The following ZNF589 variants were observed in gnomAD, a reference collection of about 807,000 sequenced individuals.
ZNF589 encodes the protein zinc finger protein 589.
ZNF589 carries 17 observed loss-of-function variants against 13.6 expected under a neutral mutation model. That is an observed-to-expected ratio of 1.25 (90% CI 0.86 to 1.88). The LOEUF (loss-of-function observed/expected upper bound fraction) is 1.88. Among genes scored for constraint, ZNF589 ranks in the 40% most tolerant of loss-of-function variants. ZNF589 has a pLI of 0.00. For missense variants in ZNF589, 407 were observed against 434.0 expected, an observed-to-expected ratio of 0.94 and a Z score of 0.55; for synonymous variants, 148 against 161.6, an observed-to-expected ratio of 0.92 and a Z score of 0.64.
At chr3:48,255,701 C>T (rs1266497672) in intron 2 of ZNF589, among the ~76,000 whole-genome samples, 1 of 151,468 alleles carries the variant, frequency 6.6e-6, no homozygotes, top group Non-Finnish European at 1.5e-5. Context: ...GCCACGTTGG[C>T]TGGTCCCGAA....
intron 2 of ZNF589, among the ~76,000 whole-genome samples, chr3:48,253,219 TG>T (rs1463613504): frequency 6.6e-6 from 1 of 152,022 alleles, no homozygotes; most frequent in African/African-American, 2.4e-5. Flanking sequence ...TTTTAGTAGA[TG>T]GGCTTTTGCC....
At chr3:48,265,774 A>G (rs1336792787) in intron 3 of ZNF589, among the ~76,000 whole-genome samples, 3 of 152,100 alleles carry the variant, frequency 2.0e-5, no homozygotes, top group Non-Finnish European at 4.4e-5. Flanking sequence ...AATAAACTCA[A>G]AATTTTTATT....
At chr3:48,262,824 T>G (rs2033981260) in intron 3 of ZNF589, among the ~76,000 whole-genome samples, 1 of 152,204 alleles carries the variant, frequency 6.6e-6, no homozygotes, top group Admixed American at 6.5e-5. Flanking sequence ...AGAAAATAGT[T>G]TTGAGCTTTA....
intron 1 of ZNF589, among the ~76,000 whole-genome samples, chr3:48,245,288 T>C (rs1324601349): frequency 6.6e-6 from 1 of 152,060 alleles, no homozygotes; most frequent in Non-Finnish European, 1.5e-5. Flanking sequence ...CTAATTTTTT[T>C]ATTTTTTGTA....
chr3:48,245,112 A>G lies in ZNF589; in HGVS notation c.44-2513A>G, dbSNP rs369170506. 1.3e-4 allele frequency among the ~76,000 whole-genome samples: 19 copies of G among 151,854 alleles called. No individual in the cohort carries two copies. In the East Asian group the frequency reaches 1.8e-3, roughly 14 times the overall value. On this transcript the variant is annotated intron_variant, in intron 1 of 3. Coordinates refer to ENST00000354698, the MANE Select transcript of ZNF589 (RefSeq NM_016089.3). The stretch of plus-strand genomic sequence containing the variant: ...AGCCACGCCCAGCCATTATAAGCTT[A>G]TATGTATCTTTTCAGAGACAGGGTT...
intron 2 of ZNF589, among the ~76,000 whole-genome samples, chr3:48,249,571 G>C (rs1307464714): frequency 6.6e-6 from 1 of 152,114 alleles, no homozygotes; most frequent in Non-Finnish European, 1.5e-5. Context: ...TACCTTTTGA[G>C]TTCAGCACTT....
chr3:48,252,038 CA>C (rs768367907), intron 2 of ZNF589, among the ~76,000 whole-genome samples: 5 of 147,728 alleles, frequency 3.4e-5, no homozygotes, highest in East Asian at 2.0e-4. Context: ...GACCCTGTCT[CA>C]AAAAAAAAGA....
intron 1 of ZNF589, among the ~76,000 whole-genome samples, chr3:48,244,091 G>A (rs1407095935): frequency 6.6e-6 from 1 of 152,140 alleles, no homozygotes; most frequent in Non-Finnish European, 1.5e-5. Context: ...GGCAGAGTCA[G>A]GACTCAGGAG....
chr3:48,265,002 T>TG (rs2034004629), intron 3 of ZNF589, among the ~76,000 whole-genome samples: 4 of 151,816 alleles, frequency 2.6e-5, no homozygotes, highest in African/African-American at 9.7e-5. Flanking sequence ...GACAGAGTCT[T>TG]GTTCTGTCAC....
intron 3 of ZNF589, among the ~76,000 whole-genome samples, chr3:48,261,554 C>T (rs1417834657): frequency 2.0e-5 from 3 of 152,202 alleles, no homozygotes; most frequent in Non-Finnish European, 4.4e-5. Flanking sequence ...TTATAGATTA[C>T]TGGATATCAT....
chr3:48,246,915 G>A (rs1309914096), intron 1 of ZNF589, among the ~76,000 whole-genome samples: 2 of 151,498 alleles, frequency 1.3e-5, no homozygotes, highest in Admixed American at 1.3e-4. Flanking sequence ...TGATCGGCCT[G>A]CCTCGGCCTC....
In ZNF589 at chr3:48,269,103, C is replaced by T. The variant is rs1459317739; in HGVS notation, c.*317C>T. The T allele has an allele frequency of 7.5e-6, 5 of 666,106 alleles. No individual in the cohort carries two copies. The highest frequency in any genetic ancestry group is 1.3e-5 in the Non-Finnish European group (5 of 384,798). The allele number at this position is 666,106 out of a possible 1,614,324, so 41.3% of individuals were successfully genotyped here. Reference sequence around the variant, plus strand: ...TGGAGGACACACACGGGAGAGAAGCCTTACACGTGCTTTGAGTGTGGGCGA... The same window carrying T: ...TGGAGGACACACACGGGAGAGAAGCTTTACACGTGCTTTGAGTGTGGGCGA... On this transcript the variant is annotated 3_prime_UTR_variant, in exon 4 of 4. Transcript: ENST00000354698.
intron 1 of ZNF589, among the ~76,000 whole-genome samples, chr3:48,243,186 C>T (rs922957823): frequency 2.0e-5 from 3 of 151,880 alleles, no homozygotes; most frequent in Non-Finnish European, 4.4e-5. Context: ...TGGTGGCTCA[C>T]GCCTGTAATC....
chr3:48,244,076 G>C (rs1423876391), intron 1 of ZNF589, among the ~76,000 whole-genome samples: 2 of 152,158 alleles, frequency 1.3e-5, no homozygotes, highest in Non-Finnish European at 2.9e-5. Context: ...CACCTAAGGA[G>C]TCAGGGCAGA....
At chr3:48,257,881 T>C (rs2033925561) in intron 2 of ZNF589, 1 of 422,790 alleles carries the variant, frequency 2.4e-6, no homozygotes, top group Non-Finnish European at 4.6e-6. Flanking sequence ...GATCTCTTTC[T>C]GGGTTTTCGG....
intron 2 of ZNF589, among the ~76,000 whole-genome samples, chr3:48,254,845 ATTAG>A (rs1382364275): frequency 6.6e-6 from 1 of 151,556 alleles, no homozygotes; most frequent in Admixed American, 6.6e-5. Context: ...ATGTTTGCTT[ATTAG>A]TTCCAAGGTT....
At chr3:48,254,365 G>C (rs2106838667) in intron 2 of ZNF589, among the ~76,000 whole-genome samples, 1 of 152,332 alleles carries the variant, frequency 6.6e-6, no homozygotes. Context: ...ACACTGTCTT[G>C]ATAAATGTAG....
chr3:48,244,799 C>T (rs1057112550), intron 1 of ZNF589, among the ~76,000 whole-genome samples: 1 of 150,264 alleles, frequency 6.7e-6, no homozygotes, highest in Non-Finnish European at 1.5e-5. Flanking sequence ...ATAGATGGGA[C>T]GAATTATAAG....
At chr3:48,259,785 G>A (rs1356094552) in intron 2 of ZNF589, among the ~76,000 whole-genome samples, 1 of 152,028 alleles carries the variant, frequency 6.6e-6, no homozygotes, top group Non-Finnish European at 1.5e-5. Flanking sequence ...CAGGTGTGGT[G>A]GTATGCACCT....
Sources: gnomAD v4.1 joint callset for allele counts (sites outside exome capture counted in the v4.1 genomes callset) on GRCh38, gnomAD v4.1.1 for gene constraint, MANE v1.5 for transcripts, NCBI Gene and HGNC (gene_info 2026-07-23, HGNC 2026-07-21) for gene names.